LRP1B: variants seen among roughly 807,000 people sequenced by gnomAD.
LRP1B encodes the protein low-density lipoprotein receptor-related protein 1B.
In LRP1B, 217 loss-of-function variants were observed where a neutral mutation model predicts 556.6. The ratio of observed to expected loss-of-function variants is 0.39; its 90% CI spans 0.35 to 0.44. The LOEUF (loss-of-function observed/expected upper bound fraction) is 0.44, where lower values mean the gene tolerates loss of function less well. LRP1B is among the 20% of genes least tolerant of loss of function. The probability of loss-of-function intolerance (pLI) is 1.00; values close to 1 mark genes in which losing one functional copy is unlikely to be tolerated. For synonymous variants in LRP1B, 2,047 were observed against 1,865.8 expected, an observed-to-expected ratio of 1.10 and a Z score of -2.50; for missense variants, 5,053 against 5,620.8, an observed-to-expected ratio of 0.90 and a Z score of 3.23.
At chr2:140,295,795 G>A (rs1371357685) in intron 84 of LRP1B, among the ~76,000 whole-genome samples, 1 of 21,508 alleles carries the variant, frequency 4.6e-5, no homozygotes, top group South Asian at 5.7e-3. Context: ...CTCAATAAAT[G>A]TGACTGTGAT....
At chr2:142,051,458 G>C (rs1704452222) in intron 1 of LRP1B, among the ~76,000 whole-genome samples, 1 of 125,860 alleles carries the variant, frequency 7.9e-6, no homozygotes. Flanking sequence ...CATAATTAAA[G>C]GTGTGTTTTT....
Position 141,033,184 on chromosome 2 carries a change from G to A in LRP1B, c.1790-13082C>T, listed in dbSNP as rs72975069. Among the ~76,000 whole-genome samples the A allele has an allele frequency of 3.0e-3, 456 of 151,996 alleles. 5 individuals carry two copies. Among genetic ancestry groups the A allele is most frequent in the African/African-American group, 9.5e-3 (394 of 41,482 alleles). On this transcript the variant is annotated intron_variant, in intron 11 of 90. Transcript: ENST00000389484. The stretch of plus-strand genomic sequence containing the variant: ...GTGTGCTGGGGTAACTGTGAGAAAA[G>A]AGTGTGCACGAACAGTGGTGGAAGG...
chr2:141,223,744 T>C (rs890860297), intron 6 of LRP1B, among the ~76,000 whole-genome samples: 5 of 151,958 alleles, frequency 3.3e-5, no homozygotes, highest in Non-Finnish European at 5.9e-5. Context: ...CTACAACCAT[T>C]AGATCTTTGA....
At chr2:140,956,302 G>A (rs1236435012) in intron 18 of LRP1B, among the ~76,000 whole-genome samples, 2 of 151,628 alleles carry the variant, frequency 1.3e-5, no homozygotes, top group African/African-American at 4.8e-5. Context: ...ACAACACTCT[G>A]ATCAATGCCA....
chr2:141,963,183 T>A (rs1701450475), intron 1 of LRP1B, among the ~76,000 whole-genome samples: 1 of 151,902 alleles, frequency 6.6e-6, no homozygotes, highest in Admixed American at 6.6e-5. Flanking sequence ...ATAATTTGAA[T>A]AGAATACTTT....
Position 140,776,155 on chromosome 2 carries a change from G to A in LRP1B, c.5443C>T (p.Arg1815Trp), listed in dbSNP as rs368233927. The A allele has an allele frequency of 3.1e-6, 5 of 1,594,026 alleles. No homozygotes were observed. Among genetic ancestry groups the A allele is most frequent in the East Asian group, 2.3e-5 (1 of 43,276 alleles). The part of the protein sequence containing the change: ...KRDGRNPTIL[R>W]NKTSGVVHMK... ...TGAACTACCCCAGAAGTCTTATTCCGTAGGATGGTGGGGTTTCTTCCGTCT... is the reference window on the plus strand; with the variant it reads ...TGAACTACCCCAGAAGTCTTATTCCATAGGATGGTGGGGTTTCTTCCGTCT... The change falls in exon 33 of 91, where the codon CGG (arginine) becomes TGG (tryptophan). Residue 1815 changes from arginine (R) to tryptophan (W), a missense_variant. By Grantham distance (101) the Arg-to-Trp change is moderately radical. This residue lies in a region of LRP1B where 3,619 missense variants were observed against 3,931.9 expected (regional missense o/e 0.92). Transcript: ENST00000389484.
intron 3 of LRP1B, among the ~76,000 whole-genome samples, chr2:141,359,424 A>C (rs1357118120): frequency 6.6e-6 from 1 of 152,156 alleles, no homozygotes; most frequent in Non-Finnish European, 1.5e-5. Flanking sequence ...GCACAAAATA[A>C]ATGACTTACG....
chr2:142,103,341 G>A (rs1403310700), intron 1 of LRP1B, among the ~76,000 whole-genome samples: 1 of 151,806 alleles, frequency 6.6e-6, no homozygotes, highest in Non-Finnish European at 1.5e-5. Flanking sequence ...AGACCAAACT[G>A]TTAACTCAAT....
At chr2:141,839,662 C>T (rs557950553) in intron 1 of LRP1B, among the ~76,000 whole-genome samples, 10 of 152,196 alleles carry the variant, frequency 6.6e-5, no homozygotes, top group South Asian at 4.1e-4. Context: ...TGTATTTCAA[C>T]TTTAGCAAGA....
At position 141,054,909 on chromosome 2, in the gene LRP1B, T is replaced by C. The variant is rs555429947; in HGVS notation, c.1552+207A>G. 3.7e-4 allele frequency among the ~76,000 whole-genome samples: 56 copies of C among 152,084 alleles called. 1 individual carries two copies. The South Asian group carries it at 5.0e-3, about 14-fold the overall frequency. On this transcript the variant is annotated intron_variant, in intron 10 of 90. Transcript: ENST00000389484. Reference sequence around the variant, plus strand: ...TATGTTTCCCTAAAATCAATAAATTTAGTGACTCCAGAGCCTGGTTAGTTT... The same window carrying C: ...TATGTTTCCCTAAAATCAATAAATTCAGTGACTCCAGAGCCTGGTTAGTTT...
chr2:141,613,863 G>A (rs1003429269), intron 2 of LRP1B, among the ~76,000 whole-genome samples: 12 of 151,786 alleles, frequency 7.9e-5, no homozygotes, highest in South Asian at 6.2e-4. Flanking sequence ...ACCTTAAGTC[G>A]GGAGTTCAAG....
chr2:140,813,893 A>C (rs1421600312), intron 31 of LRP1B, 87 bp from the exon 32 acceptor site: 1 of 914,094 alleles, frequency 1.1e-6, no homozygotes. Flanking sequence ...AGGGGAAAAA[A>C]ATAAGTTGAA....
At chr2:141,308,324 A>C (rs924498343) in intron 3 of LRP1B, among the ~76,000 whole-genome samples, 2 of 152,220 alleles carry the variant, frequency 1.3e-5, no homozygotes, top group Non-Finnish European at 2.9e-5. Context: ...TTTGAGTTCA[A>C]ACCCATCCCT....
chr2:141,637,762 C>T (rs1331346300), intron 2 of LRP1B, among the ~76,000 whole-genome samples: 1 of 152,124 alleles, frequency 6.6e-6, no homozygotes, highest in Non-Finnish European at 1.5e-5. Flanking sequence ...GATGTTTGCC[C>T]TCTCTGAATA....
At chr2:140,844,486 G>T (rs1210975227) in intron 29 of LRP1B, among the ~76,000 whole-genome samples, 6 of 152,038 alleles carry the variant, frequency 3.9e-5, no homozygotes, top group African/African-American at 9.7e-5. Flanking sequence ...TCCCACATCT[G>T]GTTGTTGCAG....
In LRP1B at chr2:140,442,562, C is replaced by T. The variant is rs1329995872; in HGVS notation, c.10356G>A (p.Lys3452=). The stretch of plus-strand genomic sequence containing the variant: ...CTGGATCCTCGTCACAAACCCACAG[C>T]TTGGAAATGCAATGCTTCGTAGTCT... The part of the protein sequence containing the change: ...QCKTTKHCIS[K]LWVCDEDPDC... The change falls in exon 66 of 91, where the codon AAG becomes AAA. Residue 3452 remains lysine (K), a synonymous_variant. Coordinates refer to ENST00000389484, the MANE Select transcript of LRP1B (RefSeq NM_018557.3). 1.2e-6 allele frequency: 2 copies of T among 1,614,002 alleles called. No individual in the cohort carries two copies. The highest frequency in any genetic ancestry group is 3.3e-5 in the Admixed American group (2 of 60,020).
At chr2:141,669,704 C>T (rs1690588208) in intron 2 of LRP1B, among the ~76,000 whole-genome samples, 1 of 129,302 alleles carries the variant, frequency 7.7e-6, no homozygotes, top group African/African-American at 3.0e-5. Flanking sequence ...TTATATCCTA[C>T]ATACTTCTAT....
At chr2:141,762,556 TA>T (rs1432795542) in intron 2 of LRP1B, among the ~76,000 whole-genome samples, 1 of 152,082 alleles carries the variant, frequency 6.6e-6, no homozygotes, top group Admixed American at 6.5e-5. Flanking sequence ...AGAAATTGTA[TA>T]TTTTTTTACT....
At chr2:140,843,743 A>G (rs1172151978) in intron 29 of LRP1B, among the ~76,000 whole-genome samples, 1 of 152,126 alleles carries the variant, frequency 6.6e-6, no homozygotes, top group East Asian at 1.9e-4. Flanking sequence ...TCTCAGCTGG[A>G]AAGAGTTTCT....
Sources: allele counts gnomAD v4.1 joint callset (sites outside exome capture counted in the v4.1 genomes callset), GRCh38; gene constraint gnomAD v4.1.1; regional missense constraint gnomAD v4.1.1; transcripts MANE v1.5; gene names NCBI Gene and HGNC (gene_info 2026-07-23, HGNC 2026-07-21).